TALDO1: variants seen among roughly 807,000 people sequenced by gnomAD.
TALDO1 encodes transaldolase.
TALDO1 carries 29 observed loss-of-function variants against 38.1 expected under a neutral mutation model. The observed-to-expected ratio is 0.76, with a 90% CI of 0.57 to 1.04. The LOEUF (loss-of-function observed/expected upper bound fraction) is 1.04, where lower values mean the gene tolerates loss of function less well. TALDO1 is among the 50% of genes least tolerant of loss of function. The pLI, the probability that TALDO1 is intolerant of heterozygous loss-of-function variation, is 0.00. For synonymous variants in TALDO1, 207 were observed against 176.8 expected (o/e 1.17, Z -1.36); for missense variants, 499 against 438.1 (o/e 1.14, Z -1.24).
In TALDO1 at chr11:748,477, CT is replaced by C. The variant is rs1466823852; in HGVS notation, c.97+901del. ...CCTCTGCAGTGCAGAGTAGACGAGC[CT>C]TGTGTCTATGTTTTGTTGAGAACAA... On this transcript the variant is annotated intron_variant, in intron 1 of 7. Transcript: ENST00000319006. Among the ~76,000 whole-genome samples the C allele has an allele frequency of 2.0e-5, 3 of 152,298 alleles. No homozygotes were observed. In the East Asian group the frequency reaches 5.8e-4, roughly 29 times the overall value.
At chr11:764,260 G>A (rs753313750) in intron 6 of TALDO1, 28 bp from the exon 7 acceptor site, 1 of 1,613,900 alleles carries the variant, frequency 6.2e-7, no homozygotes, top group Non-Finnish European at 8.5e-7. Context: ...CATGGAGCAG[G>A]CATGGAAGGC....
intron 2 of TALDO1, among the ~76,000 whole-genome samples, chr11:756,862 G>A (rs1862846798): frequency 1.3e-5 from 2 of 152,090 alleles, no homozygotes; most frequent in Admixed American, 6.6e-5. Flanking sequence ...ATGTTCTCTG[G>A]TACCTGTTTG....
chr11:764,436 GA>G lies in TALDO1; in HGVS notation c.981+4del. The G allele has an allele frequency of 6.2e-7, 1 of 1,609,684 alleles. No individual in the cohort carries two copies. ...TGAAGCTGGAGCGGATGCTGACAGT[GA>G]GTGTTGTGTGTGGGTACCTACATAT... On this transcript the variant is annotated splice_donor_region_variant and intron_variant, in intron 7 of 7. Coordinates refer to ENST00000319006, the MANE Select transcript of TALDO1 (RefSeq NM_006755.2).
At chr11:747,977 T>C (rs1378532241) in intron 1 of TALDO1, among the ~76,000 whole-genome samples, 1 of 152,092 alleles carries the variant, frequency 6.6e-6, no homozygotes, top group Non-Finnish European at 1.5e-5. Flanking sequence ...CCGCCCAGGG[T>C]GGGGTCGGCT....
rs796066203 is a variant in TALDO1 at position 751,866 on chromosome 11, ATG to A, written c.98-4005_98-4004del. ...GTAATTGATGTGTGTGCATGCATGCATGTGTGTGTACACAGTTCCTGTCTCAT... is the reference window on the plus strand; with the variant it reads ...GTAATTGATGTGTGTGCATGCATGCATGTGTGTACACAGTTCCTGTCTCAT... On this transcript the variant is annotated intron_variant, in intron 1 of 7. Coordinates refer to ENST00000319006, the MANE Select transcript of TALDO1 (RefSeq NM_006755.2). Among the ~76,000 whole-genome samples, 68 of 152,246 alleles carry A rather than the reference ATG, an allele frequency of 4.5e-4. 1 individual carries two copies. Among genetic ancestry groups the A allele is most frequent in the African/African-American group, 1.5e-3 (64 of 41,564 alleles).
chr11:752,110 G>A (rs189118119), intron 1 of TALDO1, among the ~76,000 whole-genome samples: 88 of 151,486 alleles, frequency 5.8e-4, no homozygotes, highest in Middle Eastern at 3.4e-3. Flanking sequence ...TCGCTCTGTC[G>A]CCCAGGCTGG....
chr11:750,577 C>A (rs944062491), intron 1 of TALDO1, among the ~76,000 whole-genome samples: 2 of 152,074 alleles, frequency 1.3e-5, no homozygotes, highest in African/African-American at 2.4e-5. Flanking sequence ...GTAATCCGAG[C>A]ACTTTGGGAG....
intron 3 of TALDO1, 99 bp from the exon 4 acceptor site, chr11:760,023 G>A (rs1862902993): frequency 1.9e-6 from 3 of 1,556,146 alleles, no homozygotes; most frequent in Admixed American, 1.8e-5. Context: ...TCACGGTGGT[G>A]CTGCTCAAAA....
chr11:764,664 G>T, intron 7 of TALDO1, 149 bp from the exon 8 acceptor site: 1 of 1,387,294 alleles, frequency 7.2e-7, no homozygotes, highest in East Asian at 2.3e-5. Context: ...CCTGTGTGGT[G>T]ACTGTGGTAT....
At chr11:749,266 G>A (rs1165070790) in intron 1 of TALDO1, among the ~76,000 whole-genome samples, 2 of 151,966 alleles carry the variant, frequency 1.3e-5, no homozygotes, top group East Asian at 3.9e-4. Flanking sequence ...AGCTGGGTGC[G>A]GTGTTGCATG....
intron 7 of TALDO1, 44 bp downstream of exon 7, chr11:764,477 G>C (rs201722375): frequency 1.9e-5 from 31 of 1,600,740 alleles, no homozygotes; most frequent in Non-Finnish European, 2.5e-5. Flanking sequence ...AGCCCTATGA[G>C]AGCCCGGGCC....
At chr11:753,448 G>A (rs961143142) in intron 1 of TALDO1, among the ~76,000 whole-genome samples, 6 of 151,970 alleles carry the variant, frequency 3.9e-5, no homozygotes, top group Admixed American at 6.6e-5. Context: ...GGAGAATGGC[G>A]TGAACCCGGG....
chr11:747,595 G>T lies in TALDO1; in HGVS notation c.97+17G>T, dbSNP rs954813134. ...ACTTCCACGGTGAGGACGGCGCGGA[G>T]CCCGGGCGCGGCGCAAGCGCCCTCC... is the stretch of plus-strand genomic sequence containing the variant. On this transcript the variant is annotated intron_variant, in intron 1 of 7. Coordinates refer to ENST00000319006, the MANE Select transcript of TALDO1 (RefSeq NM_006755.2). 1.1e-5 allele frequency: 17 copies of T among 1,552,214 alleles called. 1 individual carries two copies. In the Admixed American group the frequency reaches 2.5e-4, roughly 23 times the overall value.
intron 4 of TALDO1, among the ~76,000 whole-genome samples, chr11:763,032 C>G (rs192638261): frequency 6.6e-6 from 1 of 152,188 alleles, no homozygotes; most frequent in Non-Finnish European, 1.5e-5. Context: ...TGGAGAAAAT[C>G]CTGGTCACCC....
chr11:747,913 CTGACGGG>C (rs2133566343), intron 1 of TALDO1, among the ~76,000 whole-genome samples: 1 of 152,320 alleles, frequency 6.6e-6, no homozygotes, highest in African/African-American at 2.4e-5. Context: ...GCGGGCGGTA[CTGACGGG>C]TCCTTGCGAG....
chr11:764,578 G>A (rs1863015601), intron 7 of TALDO1, 145 bp downstream of exon 7: 1 of 1,418,788 alleles, frequency 7.0e-7, no homozygotes, highest in Non-Finnish European at 9.7e-7. Context: ...GGCCTGTTGA[G>A]GCCATCCCAG....
chr11:763,585 C>A, intron 5 of TALDO1, 66 bp downstream of exon 5: 1 of 1,601,908 alleles, frequency 6.2e-7, no homozygotes, highest in Non-Finnish European at 8.6e-7. Context: ...GCAGGAAGAG[C>A]CCGAGACGGA....
At chr11:758,815 C>T in intron 2 of TALDO1, 135 bp from the exon 3 acceptor site, 1 of 618,272 alleles carries the variant, frequency 1.6e-6, no homozygotes. Context: ...CCGTGTTAGC[C>T]AGGATGGTCT....
At chr11:756,121 A>C (rs2234022) in intron 2 of TALDO1, 119 bp downstream of exon 2, 8 of 1,414,232 alleles carry the variant, frequency 5.7e-6, no homozygotes, top group East Asian at 2.5e-5. Context: ...GGGGAAAAAA[A>C]CCCTATCTTT....
Sources: gnomAD v4.1 joint callset for allele counts (sites outside exome capture counted in the v4.1 genomes callset) on GRCh38, gnomAD v4.1.1 for gene constraint, MANE v1.5 for transcripts, NCBI Gene and HGNC (gene_info 2026-07-23, HGNC 2026-07-21) for gene names.